Variants in THBS4 observed in about 807,000 individuals in gnomAD.
THBS4 encodes the protein thrombospondin 4, also known as thrombospondin-4.
THBS4 carries 90 observed loss-of-function variants against 115.7 expected under a neutral mutation model. The observed-to-expected ratio is 0.78, with a 90% CI of 0.66 to 0.93. THBS4 has a LOEUF of 0.93. Ranked by LOEUF, THBS4 falls within the 40% of genes least tolerant of loss-of-function variation. The pLI is 0.00. For missense variants in THBS4, 1,087 were observed against 1,232.7 expected, an observed-to-expected ratio of 0.88 and a Z score of 1.77; for synonymous variants, 460 against 479.3, an observed-to-expected ratio of 0.96 and a Z score of 0.53.
At chr5:79,999,794 G>A (rs1831861375) in intron 2 of THBS4, among the ~76,000 whole-genome samples, 1 of 152,134 alleles carries the variant, frequency 6.6e-6, no homozygotes, top group African/African-American at 2.4e-5. Flanking sequence ...GATATATCTG[G>A]TCTGATACCT....
intron 2 of THBS4, among the ~76,000 whole-genome samples, chr5:80,048,134 A>G (rs939672791): frequency 6.6e-6 from 1 of 152,140 alleles, no homozygotes; most frequent in African/African-American, 2.4e-5. Context: ...AAAATAATTA[A>G]AAATAATTTT....
At chr5:80,028,083 T>G (rs1475719724) in intron 2 of THBS4, among the ~76,000 whole-genome samples, 1 of 151,892 alleles carries the variant, frequency 6.6e-6, no homozygotes, top group East Asian at 1.9e-4. Context: ...GGCACAGTAG[T>G]GCACACCTGC....
At chr5:80,026,830 T>C (rs1285668440) in intron 2 of THBS4, among the ~76,000 whole-genome samples, 1 of 152,236 alleles carries the variant, frequency 6.6e-6, no homozygotes, top group Non-Finnish European at 1.5e-5. Context: ...ACCACTGAAA[T>C]TGAAGTCATT....
chr5:80,080,514 C>T (rs1262898869), intron 20 of THBS4, among the ~76,000 whole-genome samples: 1 of 139,184 alleles, frequency 7.2e-6, no homozygotes, highest in African/African-American at 2.7e-5. Context: ...CTGACTGCAG[C>T]ACTATGTCCC....
At chr5:80,080,290 A>G (rs370957054) in intron 20 of THBS4, 33 of 573,754 alleles carry the variant, frequency 5.8e-5, no homozygotes, top group East Asian at 3.3e-4. Context: ...TAGGACCAAG[A>G]TGGGGATAGA....
Position 80,083,098 on chromosome 5 carries a change from TC to T in THBS4, c.2845del (p.Gln949LysfsTer?). 2 of 1,614,108 alleles carry T rather than the reference TC, an allele frequency of 1.2e-6. No individual in the cohort carries two copies. Among genetic ancestry groups the T allele is most frequent in the South Asian group, 1.1e-5 (1 of 91,084 alleles). Reference sequence around the variant, plus strand: ...ATTGCAGACACCATCCCTGAGGACTTCCAAGAGTTTCAAACCCAGAATTTCG... The same window carrying T: ...ATTGCAGACACCATCCCTGAGGACTTCAAGAGTTTCAAACCCAGAATTTCG... The part of the protein sequence containing the change: ...YRCNDTIPED[F>X]QEFQTQNFDR... On this transcript the variant is annotated frameshift_variant, in exon 22 of 22. Transcript: ENST00000350881. LOFTEE classifies it high-confidence loss of function.
At chr5:80,078,586 G>C (rs895111801) in intron 17 of THBS4, among the ~76,000 whole-genome samples, 2 of 152,190 alleles carry the variant, frequency 1.3e-5, no homozygotes, top group African/African-American at 4.8e-5. Flanking sequence ...TGCAGGCACA[G>C]AGAGGCTTAG....
Position 80,050,459 on chromosome 5 carries a change from AC to A in THBS4, c.293-5325del, listed in dbSNP as rs373228390. 4.9e-3 allele frequency among the ~76,000 whole-genome samples: 748 copies of A among 151,912 alleles called. 8 individuals carry two copies. The highest frequency in any genetic ancestry group is 0.017 in the African/African-American group (715 of 41,424). On this transcript the variant is annotated intron_variant, in intron 2 of 21. Transcript: ENST00000350881. ...GTGTGATGGCAGAAATGATTGGGCC[AC>A]ATTACTGGTCTGGGTGGTGTCAGCT...
chr5:80,056,544 TACCATC>T (rs1400255108), intron 3 of THBS4, among the ~76,000 whole-genome samples: 10 of 152,226 alleles, frequency 6.6e-5, no homozygotes, highest in Admixed American at 5.9e-4. Context: ...GGTCTTAAGA[TACCATC>T]ACCTCTGTCT....
chr5:80,074,626 CTTTTTTT>C (rs35937190), intron 15 of THBS4, among the ~76,000 whole-genome samples: 1 of 142,526 alleles, frequency 7.0e-6, no homozygotes, highest in Non-Finnish European at 1.5e-5. Flanking sequence ...CTCTCTCTCT[CTTTTTTT>C]TTTTTTTTGA....
chr5:80,037,961 T>C (rs1422544542), intron 1 of THBS4, among the ~76,000 whole-genome samples: 1 of 152,206 alleles, frequency 6.6e-6, no homozygotes, highest in African/African-American at 2.4e-5. Context: ...ACACATCTCA[T>C]GTTAATTTCA....
At chr5:80,078,891 T>C in intron 17 of THBS4, 30 bp from the exon 18 acceptor site, 1 of 1,609,300 alleles carries the variant, frequency 6.2e-7, no homozygotes, top group Non-Finnish European at 8.5e-7. Flanking sequence ...CCTTCAAGAC[T>C]GTTCTGAACT....
intron 20 of THBS4, among the ~76,000 whole-genome samples, chr5:80,080,421 AGGT>A (rs1383687172): frequency 6.6e-6 from 1 of 151,724 alleles, no homozygotes; most frequent in Non-Finnish European, 1.5e-5. Context: ...ATGAGGTAAG[AGGT>A]GTGGCAGGGT....
intron 2 of THBS4, among the ~76,000 whole-genome samples, chr5:80,012,468 A>C (rs976594821): frequency 1.3e-5 from 2 of 152,108 alleles, no homozygotes; most frequent in Non-Finnish European, 2.9e-5. Flanking sequence ...AACTCTAGAA[A>C]CCCAAACAGA....
chr5:80,040,390 C>G (rs1832860227), intron 2 of THBS4, 110 bp downstream of exon 2: 2 of 832,894 alleles, frequency 2.4e-6, no homozygotes, highest in African/African-American at 1.9e-5. Context: ...TTCTCACTCA[C>G]TAGTCATTTC....
chr5:80,021,234 C>T (rs1244589272), intron 2 of THBS4, among the ~76,000 whole-genome samples: 1 of 152,082 alleles, frequency 6.6e-6, no homozygotes, highest in African/African-American at 2.4e-5. Context: ...ACTGCAAGTC[C>T]ATGTGAAACT....
intron 2 of THBS4, among the ~76,000 whole-genome samples, chr5:80,046,638 T>G (rs1833075221): frequency 6.6e-6 from 1 of 152,096 alleles, no homozygotes; most frequent in African/African-American, 2.4e-5. Flanking sequence ...GCTGATAGAT[T>G]AAAAAAACAT....
chr5:80,027,627 G>A (rs1390661069), intron 2 of THBS4, among the ~76,000 whole-genome samples: 3 of 152,046 alleles, frequency 2.0e-5, no homozygotes, highest in Non-Finnish European at 2.9e-5. Flanking sequence ...AGGACACAGC[G>A]GCTCACACCT....
intron 10 of THBS4, among the ~76,000 whole-genome samples, chr5:80,069,483 T>G (rs1833953598): frequency 6.6e-6 from 1 of 152,138 alleles, no homozygotes. Flanking sequence ...CCCCATTTTC[T>G]GTGAACAAAT....
Sources: allele counts gnomAD v4.1 joint callset (sites outside exome capture counted in the v4.1 genomes callset), GRCh38; gene constraint gnomAD v4.1.1; transcripts MANE v1.5; gene names NCBI Gene and HGNC (gene_info 2026-07-23, HGNC 2026-07-21).